RUFY4: variants seen among roughly 807,000 people sequenced by gnomAD.
RUFY4 encodes the protein RUN and FYVE domain-containing protein 4.
A neutral mutation model predicts 69.0 loss-of-function variants in RUFY4; 73 were observed. The ratio of observed to expected loss-of-function variants is 1.06; its 90% CI spans 0.88 to 1.29. The LOEUF is 1.29. RUFY4 is among the 50% of genes most tolerant of loss of function. The pLI is 0.00. For missense variants in RUFY4, 770 were observed against 705.6 expected (o/e 1.09, Z -1.03); for synonymous variants, 287 against 271.8 (o/e 1.06, Z -0.55).
Position 218,072,536 on chromosome 2 carries a change from G to T in RUFY4, c.279+37G>T, listed in dbSNP as rs762635354. ...CAGGCAGCAAGAAGGCTGACGGGGT[G>T]GGGGTAGACATAGGCCTCCTCCTTT... On this transcript the variant is annotated intron_variant, in intron 3 of 10. Coordinates refer to ENST00000344321, the Ensembl canonical transcript of RUFY4. 14 of 1,533,964 alleles carry T rather than the reference G, an allele frequency of 9.1e-6. No homozygotes were observed. In the Admixed American group the frequency reaches 9.8e-5, roughly 11 times the overall value.
At chr2:218,047,064 T>C (rs1378508451) in intron 2 of RUFY4, among the ~76,000 whole-genome samples, 1 of 150,904 alleles carries the variant, frequency 6.6e-6, no homozygotes, top group African/African-American at 2.4e-5. Context: ...AAAAAAAGTT[T>C]AGCTCTTTTA....
At chr2:218,070,776 G>A (rs1689466798) in exon 2 of RUFY4, 2 of 1,537,088 alleles carry the variant, frequency 1.3e-6, no homozygotes, top group East Asian at 2.4e-5. Context: ...CATCCTCCAG[G>A]GCTATGGGGA....
At chr2:218,072,323 T>C in intron 2 of RUFY4, 51 bp from the exon 5 acceptor site, 1 of 1,528,580 alleles carries the variant, frequency 6.5e-7, no homozygotes, top group South Asian at 1.2e-5. Context: ...ATGCAGGGCG[T>C]GTTCTGGGAG....
rs1457030351 is a variant in RUFY4 at position 218,073,409 on chromosome 2, G to A, written c.530+23G>A. On this transcript the variant is annotated intron_variant, in intron 5 of 10. Transcript: ENST00000344321. The stretch of plus-strand genomic sequence containing the variant: ...AGAGTGAGTGGGTGCAGCCAGGAGA[G>A]AAGTCTCTTTTGACACCTGGTCCCA... 9 of 1,579,678 alleles carry A rather than the reference G, an allele frequency of 5.7e-6. No individual in the cohort carries two copies. The East Asian group carries it at 1.2e-4, about 20-fold the overall frequency.
intron 2 of RUFY4, among the ~76,000 whole-genome samples, chr2:218,043,374 C>T (rs1688746510): frequency 6.6e-6 from 1 of 152,092 alleles, no homozygotes; most frequent in Non-Finnish European, 1.5e-5. Context: ...AGAAAGGAGG[C>T]CCTGGAGAAG....
At chr2:218,083,297 A>G (rs1574517965) in intron 9 of RUFY4, 41 bp downstream of exon 11, 2 of 1,546,490 alleles carry the variant, frequency 1.3e-6, no homozygotes, top group Admixed American at 1.9e-5. Context: ...CAGATGGGGG[A>G]ACGGTAAGGG....
chr2:218,067,894 G>A (rs185811268), upstream of RUFY4, among the ~76,000 whole-genome samples: 330 of 152,346 alleles, frequency 2.2e-3, 1 homozygote, highest in African/African-American at 7.4e-3. Context: ...GAGGTGGGGA[G>A]GCAGGGACAT....
In RUFY4 at chr2:218,051,663, G is replaced by A. The variant is rs1688946799; in HGVS notation, c.-1157-6932G>A. Among the ~76,000 whole-genome samples the A allele has an allele frequency of 2.6e-5, 4 of 151,794 alleles. No homozygotes were observed. In the South Asian group the frequency reaches 8.3e-4, roughly 32 times the overall value. ...CCTAAGCAAGTTGGGGAGGGTTTAT[G>A]AAGGATGGTTTTGTAAAGGGAGTTT... On this transcript the variant is annotated intron_variant and NMD_transcript_variant, in intron 2 of 13. Coordinates refer to the RUFY4 transcript ENST00000457754.
intron 8 of RUFY4, among the ~76,000 whole-genome samples, chr2:218,076,886 T>C (rs750001579): frequency 5.9e-5 from 9 of 152,228 alleles, no homozygotes; most frequent in Non-Finnish European, 8.8e-5. Context: ...ACTGGACTTC[T>C]TTCCCCCATC....
At position 218,071,189 on chromosome 2, in the gene RUFY4, G is replaced by A. The variant is rs117083172; in HGVS notation, c.153+330G>A. Among the ~76,000 whole-genome samples the A allele has an allele frequency of 1.8e-3, 268 of 152,270 alleles. 7 individuals carry two copies. In the South Asian group the frequency reaches 0.045, roughly 26 times the overall value. ...CAGAGCCCCAACTATGACCAGCACC[G>A]CTTTTATTGAATACTTGCTATGTGT... On this transcript the variant is annotated intron_variant, in intron 2 of 10. Transcript: ENST00000344321.
At chr2:218,079,436 A>G (rs1297971610) in intron 8 of RUFY4, among the ~76,000 whole-genome samples, 1 of 152,202 alleles carries the variant, frequency 6.6e-6, no homozygotes, top group Non-Finnish European at 1.5e-5. Flanking sequence ...AGTCACCATT[A>G]ACTGAAGTGT....
At chr2:218,062,640 G>A (rs950768116) in intron 3 of RUFY4, among the ~76,000 whole-genome samples, 6 of 152,312 alleles carry the variant, frequency 3.9e-5, no homozygotes, top group Middle Eastern at 3.4e-3. Flanking sequence ...GAACCCGGGA[G>A]GCAGGGGTTG....
intron 2 of RUFY4, among the ~76,000 whole-genome samples, chr2:218,046,317 A>G (rs1448730875): frequency 6.6e-6 from 1 of 151,928 alleles, no homozygotes; most frequent in African/African-American, 2.4e-5. Context: ...GTATCCTGTA[A>G]TTGTATAGGG....
At chr2:218,084,160 T>C (rs181232455) in intron 9 of RUFY4, among the ~76,000 whole-genome samples, 82 of 152,222 alleles carry the variant, frequency 5.4e-4, no homozygotes, top group African/African-American at 1.9e-3. Context: ...TATCCTCTCA[T>C]ACAGTTCAGG....
At chr2:218,049,220 A>G (rs1302069343) in intron 2 of RUFY4, among the ~76,000 whole-genome samples, 1 of 152,156 alleles carries the variant, frequency 6.6e-6, no homozygotes, top group African/African-American at 2.4e-5. Context: ...GGGATTCTAG[A>G]ATGTTCCTCA....
chr2:218,060,569 T>C, intron 3 of RUFY4: 1 of 1,311,560 alleles, frequency 7.6e-7, no homozygotes, highest in Non-Finnish European at 1.1e-6. Flanking sequence ...CGCTCACAGG[T>C]CTCATTGGTC....
Position 218,075,428 on chromosome 2 carries a change from G to A in RUFY4, c.936G>A (p.Met312Ile), listed in dbSNP as rs1689603511. The A allele has an allele frequency of 1.9e-6, 3 of 1,612,126 alleles. No homozygotes were observed. The Admixed American group carries it at 5.0e-5, about 27-fold the overall frequency. ...GCACTCAGAAGGAGGTGATAGGGAT[G>A]GAGGCTGAGGTCACAGGGGTTCTGC... Residue 312 changes from methionine to isoleucine, a missense_variant, in exon 7 of 11, where the codon ATG (methionine) becomes ATA (isoleucine). Met to Ile is a conservative substitution (Grantham distance 10, BLOSUM62 1). Transcript: ENST00000344321.
In RUFY4 at chr2:218,072,896, T is replaced by G. The variant is rs770020707; in HGVS notation, c.386+11T>G. On this transcript the variant is annotated intron_variant, in intron 4 of 10. Transcript: ENST00000344321. ...CTCAGAGCTCACCAGGTGGGGCTGTTGGGACATCCTCCTGCCGATGCCATC... is the reference window on the plus strand; with the variant it reads ...CTCAGAGCTCACCAGGTGGGGCTGTGGGGACATCCTCCTGCCGATGCCATC... 6.6e-7 allele frequency: 1 copy of G among 1,510,582 alleles called. No homozygotes were observed. The highest frequency in any genetic ancestry group is 1.2e-5 in the South Asian group (1 of 80,434). The allele number at this position is 1,510,582 out of a possible 1,614,324, so 93.6% of individuals were successfully genotyped here.
intron 3 of RUFY4, chr2:218,060,725 A>C: frequency 1.4e-6 from 2 of 1,408,448 alleles, no homozygotes; most frequent in Non-Finnish European, 2.0e-6. Context: ...TGCAGGGTGA[A>C]TCTGTAGCAG....
Sources: allele counts gnomAD v4.1 joint callset (sites outside exome capture counted in the v4.1 genomes callset), GRCh38; gene constraint gnomAD v4.1.1; transcripts MANE v1.5; gene names NCBI Gene and HGNC (gene_info 2026-07-23, HGNC 2026-07-21).